ELAC1: variants seen among roughly 807,000 people sequenced by gnomAD.
ELAC1 encodes elaC ribonuclease Z 1, also known as zinc phosphodiesterase ELAC protein 1.
Under a neutral mutation model 25.8 loss-of-function variants are expected in ELAC1, and 19 were observed. The ratio of observed to expected loss-of-function variants is 0.74; its 90% CI spans 0.51 to 1.08. The LOEUF (loss-of-function observed/expected upper bound fraction) is 1.08, where lower values mean the gene tolerates loss of function less well. Among genes scored for constraint, ELAC1 ranks in the 50% least tolerant of loss-of-function variants. The pLI is 0.00. For synonymous variants in ELAC1, 148 were observed against 160.9 expected (o/e 0.92, Z 0.61); for missense variants, 403 against 434.6 (o/e 0.93, Z 0.65).
Position 50,986,870 on chromosome 18 carries a change from A to C in ELAC1, c.877A>C (p.Thr293Pro). The C allele has an allele frequency of 6.2e-7, 1 of 1,614,156 alleles. No individual in the cohort carries two copies. Among genetic ancestry groups the C allele is most frequent in the Non-Finnish European group, 8.5e-7 (1 of 1,179,992 alleles). ...CAAAGCAAAGGAGCATGGCCACAGC[A>C]CACCACAGATGGCAGCAACATTTGC... ...MDKAKEHGHS[T>P]PQMAATFAKL... Residue 293 changes from threonine to proline, a missense_variant, in exon 4 of 4, where the codon ACA (threonine) becomes CCA (proline). By Grantham distance (38) the Thr-to-Pro change is conservative (BLOSUM62 -1). Transcript: ENST00000269466.
At chr18:50,986,011 C>CTTTTT (rs34348056) in intron 3 of ELAC1, among the ~76,000 whole-genome samples, 37 of 85,046 alleles carry the variant, frequency 4.4e-4, no homozygotes, top group Middle Eastern at 8.9e-3. Flanking sequence ...TTGATTATAT[C>CTTTTT]TTTTTTTTTT....
intron 2 of ELAC1, among the ~76,000 whole-genome samples, chr18:50,979,006 A>T (rs1167326719): frequency 2.0e-5 from 3 of 152,236 alleles, no homozygotes; most frequent in Non-Finnish European, 4.4e-5. Flanking sequence ...CCTTCATGAG[A>T]GCCCTCTGGA....
intron 1 of ELAC1, among the ~76,000 whole-genome samples, chr18:50,971,642 A>G (rs1274972543): frequency 6.6e-6 from 1 of 151,364 alleles, no homozygotes; most frequent in Non-Finnish European, 1.5e-5. Flanking sequence ...TGATCCTCCC[A>G]CCCCAGCCTC....
At chr18:50,985,727 C>T (rs1247609594) in intron 3 of ELAC1, among the ~76,000 whole-genome samples, 2 of 152,298 alleles carry the variant, frequency 1.3e-5, no homozygotes, top group East Asian at 3.9e-4. Flanking sequence ...TGTGGAAATA[C>T]TATTATATTT....
intron 1 of ELAC1, among the ~76,000 whole-genome samples, chr18:50,973,092 A>G (rs1350366818): frequency 2.0e-5 from 3 of 151,784 alleles, no homozygotes; most frequent in Admixed American, 6.6e-5. Context: ...TGCTAACTTT[A>G]TTTCTGGTAA....
chr18:50,973,706 T>C (rs1296397653), intron 1 of ELAC1, among the ~76,000 whole-genome samples: 1 of 151,526 alleles, frequency 6.6e-6, no homozygotes, highest in Non-Finnish European at 1.5e-5. Flanking sequence ...ATTAGAAGGA[T>C]TTTTTTTAAA....
At chr18:50,975,452 T>C (rs150326500) in intron 2 of ELAC1, among the ~76,000 whole-genome samples, 3 of 151,878 alleles carry the variant, frequency 2.0e-5, no homozygotes, top group Middle Eastern at 3.4e-3. Context: ...TTATGTTATT[T>C]AGTTTGTTTC....
intron 1 of ELAC1, 171 bp downstream of exon 1, chr18:50,968,285 G>T (rs1401142400): frequency 1.3e-5 from 2 of 152,090 alleles, no homozygotes; most frequent in Non-Finnish European, 2.9e-5. Flanking sequence ...AGCCTCGGCC[G>T]CCCGGCGCCG....
chr18:50,972,584 C>A (rs918757318), intron 1 of ELAC1, among the ~76,000 whole-genome samples: 1 of 152,150 alleles, frequency 6.6e-6, no homozygotes, highest in African/African-American at 2.4e-5. Context: ...CAGGTTCAAG[C>A]AATTCTGCTG....
intron 1 of ELAC1, among the ~76,000 whole-genome samples, chr18:50,973,127 T>G (rs1182610781): frequency 6.6e-6 from 1 of 152,210 alleles, no homozygotes; most frequent in Non-Finnish European, 1.5e-5. Context: ...TTAGAATGGG[T>G]TTTTCCCCCA....
In ELAC1 at chr18:50,984,409, G is replaced by T; in HGVS notation, c.471G>T (p.Leu157=). ...PPKEEQGRTI[L]LDSEENSYLL... is the part of the protein sequence containing the mutation. ...AAGAGGAACAAGGAAGAACTATCCT[G>T]TTAGACTCAGAAGAAAACTCATACC... Residue 157 remains leucine, a synonymous_variant, in exon 3 of 4, where the codon CTG becomes CTT. Transcript: ENST00000269466. 6.2e-7 allele frequency: 1 copy of T among 1,614,072 alleles called. No homozygotes were observed. The highest frequency in any genetic ancestry group is 8.5e-7 in the Non-Finnish European group (1 of 1,179,988).
At chr18:50,985,041 A>G (rs1404078079) in intron 3 of ELAC1, among the ~76,000 whole-genome samples, 1 of 152,148 alleles carries the variant, frequency 6.6e-6, no homozygotes, top group African/African-American at 2.4e-5. Flanking sequence ...AGGAAAATCC[A>G]TGGGGCCAAA....
chr18:50,984,369 C>G lies in ELAC1; in HGVS notation c.431C>G (p.Ala144Gly), dbSNP rs773247865. The G allele has an allele frequency of 2.5e-6, 4 of 1,614,184 alleles. No individual in the cohort carries two copies. Among genetic ancestry groups the G allele is most frequent in the East Asian group, 4.5e-5 (2 of 44,882 alleles). ...ELKEFAHVNR[A>G]DSPPKEEQGR... ...AAAGAATTTGCGCATGTGAATAGAG[C>G]AGACAGTCCTCCCAAAGAGGAACAA... Residue 144 changes from alanine (A) to glycine (G), a missense_variant, in exon 3 of 4, where the codon GCA (alanine) becomes GGA (glycine). Transcript: ENST00000269466.
chr18:50,984,338 G>C lies in ELAC1; in HGVS notation c.400G>C (p.Glu134Gln). The change falls in exon 3 of 4, where the codon GAA (glutamate) becomes CAA (glutamine). Residue 134 changes from glutamate to glutamine, a missense_variant. Glu to Gln is a conservative substitution (Grantham distance 29, BLOSUM62 2). Coordinates refer to ENST00000269466, the MANE Select transcript of ELAC1 (RefSeq NM_018696.3). ...TACAGCAGATCAATGTCCTGCAGAA[G>C]AACTAAAAGAATTTGCGCATGTGAA... is the stretch of plus-strand genomic sequence containing the variant. Reference protein sequence around the residue: ...VPTADQCPAEELKEFAHVNRA... With the variant: ...VPTADQCPAEQLKEFAHVNRA... 6.2e-7 allele frequency: 1 copy of C among 1,614,196 alleles called. No individual in the cohort carries two copies. Among genetic ancestry groups the C allele is most frequent in the South Asian group, 1.1e-5 (1 of 91,084 alleles).
chr18:50,970,932 A>G (rs1233056928), intron 1 of ELAC1, among the ~76,000 whole-genome samples: 2 of 152,122 alleles, frequency 1.3e-5, no homozygotes, highest in African/African-American at 4.8e-5. Context: ...TGTTATAAAA[A>G]CGAGATCATA....
intron 3 of ELAC1, 91 bp from the exon 4 acceptor site, chr18:50,986,528 C>A: frequency 1.0e-6 from 1 of 975,032 alleles, no homozygotes; most frequent in Non-Finnish European, 1.5e-6. Flanking sequence ...GATGCCTTTT[C>A]CATTAGCTAT....
In ELAC1 at chr18:50,986,873, C is replaced by T. The variant is rs746664786; in HGVS notation, c.880C>T (p.Pro294Ser). Residue 294 changes from proline (P) to serine (S), a missense_variant, in exon 4 of 4, where the codon CCA becomes TCA. Transcript: ENST00000269466. Reference sequence around the variant, plus strand: ...AGCAAAGGAGCATGGCCACAGCACACCACAGATGGCAGCAACATTTGCAAA... The same window carrying T: ...AGCAAAGGAGCATGGCCACAGCACATCACAGATGGCAGCAACATTTGCAAA... ...DKAKEHGHST[P>S]QMAATFAKLC... The T allele has an allele frequency of 4.3e-6, 7 of 1,613,996 alleles. No homozygotes were observed. The highest frequency in any genetic ancestry group is 5.9e-6 in the Non-Finnish European group (7 of 1,179,910).
At chr18:50,973,598 G>A (rs560134974) in intron 1 of ELAC1, among the ~76,000 whole-genome samples, 1 of 152,266 alleles carries the variant, frequency 6.6e-6, no homozygotes, top group African/African-American at 2.4e-5. Context: ...AAGGGAAAGG[G>A]CTGATCATTA....
intron 1 of ELAC1, 75 bp downstream of exon 1, chr18:50,968,189 C>G (rs1907551712): frequency 6.6e-6 from 1 of 152,090 alleles, no homozygotes; most frequent in African/African-American, 2.4e-5. Flanking sequence ...AGGCACGGCC[C>G]GGCGCTGGGG....
Sources: allele counts gnomAD v4.1 joint callset (sites outside exome capture counted in the v4.1 genomes callset), GRCh38; gene constraint gnomAD v4.1.1; transcripts MANE v1.5; gene names NCBI Gene and HGNC (gene_info 2026-07-23, HGNC 2026-07-21).